Variants in PI4KA observed in about 807,000 individuals in gnomAD.
PI4KA encodes the protein PI4-kinase alpha.
A neutral mutation model predicts 271.4 loss-of-function variants in PI4KA; 122 were observed. The observed-to-expected ratio is 0.45, with a 90% confidence interval of 0.39 to 0.52. PI4KA has a LOEUF of 0.52. Ranked by LOEUF, PI4KA falls within the 20% of genes least tolerant of loss-of-function variation. The pLI is 0.00. For missense variants in PI4KA, 1,969 were observed against 2,769.1 expected (o/e 0.71, Z 6.48); for synonymous variants, 1,041 against 1,078.8 (o/e 0.96, Z 0.69).
chr22:20,743,953 C>T (rs941304409), intron 30 of PI4KA, among the ~76,000 whole-genome samples: 5 of 152,082 alleles, frequency 3.3e-5, no homozygotes, highest in African/African-American at 1.2e-4. Flanking sequence ...ACTCGGGAGG[C>T]TGAGGCAGGA....
intron 29 of PI4KA, among the ~76,000 whole-genome samples, chr22:20,745,993 C>T (rs992814394): frequency 2.0e-4 from 30 of 148,088 alleles, no homozygotes; most frequent in Middle Eastern, 3.2e-3. Context: ...TGCATGTCAC[C>T]ACGCCTGGCT....
chr22:20,839,305 C>A (rs1479247270), intron 1 of PI4KA, among the ~76,000 whole-genome samples: 1 of 152,118 alleles, frequency 6.6e-6, no homozygotes, highest in East Asian at 1.9e-4. Flanking sequence ...GTTAAAAGAT[C>A]ACAGGACATC....
chr22:20,749,815 A>G (rs1930479607), intron 28 of PI4KA, 90 bp downstream of exon 28: 1 of 766,800 alleles, frequency 1.3e-6, no homozygotes, highest in Non-Finnish European at 2.4e-6. Flanking sequence ...CACTAGTGCT[A>G]TTTGGATTTT....
At chr22:20,842,474 C>T (rs1925679011) in intron 1 of PI4KA, among the ~76,000 whole-genome samples, 1 of 152,138 alleles carries the variant, frequency 6.6e-6, no homozygotes, top group African/African-American at 2.4e-5. Flanking sequence ...AACTCAAAGC[C>T]TACTGGACTG....
intron 3 of PI4KA, among the ~76,000 whole-genome samples, chr22:20,829,426 T>G (rs527564756): frequency 6.6e-6 from 1 of 152,294 alleles, no homozygotes; most frequent in African/African-American, 2.4e-5. Context: ...CTTCTAGGTT[T>G]TCTGGCTTGT....
chr22:20,722,195 G>A (rs542139869), intron 42 of PI4KA, among the ~76,000 whole-genome samples: 268 of 152,114 alleles, frequency 1.8e-3, no homozygotes, highest in African/African-American at 6.2e-3. Flanking sequence ...TTGTTTGTTT[G>A]TTTGTTTTTG....
chr22:20,798,667 C>G lies in PI4KA; in HGVS notation c.2025G>C (p.Val675=). 4 of 1,612,992 alleles carry G rather than the reference C, an allele frequency of 2.5e-6. No individual in the cohort carries two copies. Among genetic ancestry groups the G allele is most frequent in the Non-Finnish European group, 3.4e-6 (4 of 1,178,950 alleles). Reference sequence around the variant, plus strand: ...CACTGATCTGCTGGAAGAGGTTCCACACTTCCTGATAGATGTATTGCTGGG... The same window carrying G: ...CACTGATCTGCTGGAAGAGGTTCCAGACTTCCTGATAGATGTATTGCTGGG... ...ITGNQYIYQE[V]WNLFQQISVK... The change falls in exon 17 of 55, where the codon GTG becomes GTC. Residue 675 remains valine, a synonymous_variant. Coordinates refer to ENST00000255882, the MANE Select transcript of PI4KA (RefSeq NM_058004.4).
At chr22:20,732,468 GCA>G (rs1181413073) in intron 36 of PI4KA, among the ~76,000 whole-genome samples, 1 of 152,214 alleles carries the variant, frequency 6.6e-6, no homozygotes, top group African/African-American at 2.4e-5. Context: ...GCATGCCGGT[GCA>G]GCCATTCAGA....
chr22:20,793,136 A>G (rs1235765133), intron 19 of PI4KA, 57 bp downstream of exon 19: 1 of 1,027,042 alleles, frequency 9.7e-7, no homozygotes, highest in Admixed American at 1.7e-5. Flanking sequence ...ACCAGGCAAC[A>G]CTTAAAGCAT....
chr22:20,841,490 C>G (rs1032623666), intron 1 of PI4KA, among the ~76,000 whole-genome samples: 9 of 152,142 alleles, frequency 5.9e-5, no homozygotes, highest in Non-Finnish European at 1.2e-4. Flanking sequence ...TAGAAATAAT[C>G]TGTGACCATT....
At chr22:20,824,744 A>T (rs1024993204) in intron 3 of PI4KA, among the ~76,000 whole-genome samples, 2 of 138,118 alleles carry the variant, frequency 1.4e-5, no homozygotes, top group African/African-American at 5.2e-5. Context: ...ACACACACAC[A>T]CACACACACA....
At chr22:20,815,397 A>C (rs1921661937) in intron 7 of PI4KA, among the ~76,000 whole-genome samples, 4 of 151,684 alleles carry the variant, frequency 2.6e-5, no homozygotes, top group Admixed American at 6.6e-5. Context: ...AAAAAAAAAA[A>C]AAACAAATCA....
chr22:20,835,478 T>C (rs909025955), intron 2 of PI4KA, among the ~76,000 whole-genome samples: 2 of 152,188 alleles, frequency 1.3e-5, no homozygotes, highest in Non-Finnish European at 2.9e-5. Flanking sequence ...ACACCCGTAA[T>C]CCCAGCACTT....
intron 27 of PI4KA, 70 bp from the exon 28 acceptor site, chr22:20,750,064 T>C: frequency 1.0e-6 from 1 of 977,374 alleles, no homozygotes; most frequent in Non-Finnish European, 1.7e-6. Flanking sequence ...GTGACTGTCA[T>C]GGGCTGAACT....
At chr22:20,837,790 G>T (rs1203763454) in intron 2 of PI4KA, among the ~76,000 whole-genome samples, 2 of 151,916 alleles carry the variant, frequency 1.3e-5, no homozygotes, top group East Asian at 3.9e-4. Flanking sequence ...GGAGCTACAG[G>T]GCTAGATTTT....
intron 1 of PI4KA, among the ~76,000 whole-genome samples, chr22:20,843,066 C>T (rs1299332301): frequency 6.7e-6 from 1 of 149,930 alleles, no homozygotes; most frequent in Non-Finnish European, 1.5e-5. Flanking sequence ...CCACTGCACT[C>T]CAGCCTGGGC....
chr22:20,851,505 T>C (rs530982856), intron 1 of PI4KA, among the ~76,000 whole-genome samples: 64 of 152,178 alleles, frequency 4.2e-4, no homozygotes, highest in African/African-American at 1.5e-3. Flanking sequence ...GCCCTGCTAA[T>C]TTTTGTATTT....
chr22:20,764,839 C>G lies in PI4KA; in HGVS notation c.2686G>C (p.Val896Leu). 6.2e-7 allele frequency: 1 copy of G among 1,613,226 alleles called. No homozygotes were observed. Among genetic ancestry groups the G allele is most frequent in the Non-Finnish European group, 8.5e-7 (1 of 1,179,592 alleles). Reference protein sequence around the residue: ...DFAMSTYLLSVYRLEYMRVLR... With the variant: ...DFAMSTYLLSLYRLEYMRVLR... ...TACCTCATGTACTCCAGCCGGTACA[C>G]AGAGAGGAGGTAGGTGGACATGGCG... Residue 896 changes from valine to leucine, a missense_variant, in exon 22 of 55, where the codon GTG (valine) becomes CTG (leucine). Around this residue, in one of 13 missense-constraint regions of PI4KA, gnomAD observed 368 missense variants for 544.3 expected, o/e 0.68. Coordinates refer to ENST00000255882, the MANE Select transcript of PI4KA (RefSeq NM_058004.4).
In PI4KA at chr22:20,858,676, C is replaced by T; in HGVS notation, c.50G>A (p.Gly17Asp). The T allele has an allele frequency of 1.4e-6, 2 of 1,472,216 alleles. No homozygotes were observed. The highest frequency in any genetic ancestry group is 1.8e-6 in the Non-Finnish European group (2 of 1,119,092). The allele number at this position is 1,472,216 out of a possible 1,614,324, so 91.2% of individuals were successfully genotyped here. ...GCTGGAGCCGGAGCCGGAGCAGCCG[C>T]CGCCGCCTCCGCCTCCGCCTCCGCC... ...RGGGGGGGGG[G>D]GCSGSGSSAS... Residue 17 changes from glycine to aspartate, a missense_variant, in exon 1 of 55, where the codon GGC (glycine) becomes GAC (aspartate). Around this residue, in one of 13 missense-constraint regions of PI4KA, gnomAD observed 540 missense variants for 555.5 expected, o/e 0.97. Coordinates refer to ENST00000255882, the MANE Select transcript of PI4KA (RefSeq NM_058004.4).
Sources: gnomAD v4.1 joint callset for allele counts (sites outside exome capture counted in the v4.1 genomes callset) on GRCh38, gnomAD v4.1.1 for gene constraint, gnomAD v4.1.1 regional missense constraint, MANE v1.5 for transcripts, NCBI Gene and HGNC (gene_info 2026-07-23, HGNC 2026-07-21) for gene names.